IL1RAPL1: variants seen among roughly 807,000 people sequenced by gnomAD.
IL1RAPL1 encodes interleukin-1 receptor accessory protein-like 1.
Under a neutral mutation model 48.4 loss-of-function variants are expected in IL1RAPL1, and 3 were observed. The ratio of observed to expected loss-of-function variants is 0.06; its 90% CI spans 0.03 to 0.16. The LOEUF (loss-of-function observed/expected upper bound fraction) is 0.16. Ranked by LOEUF, IL1RAPL1 falls within the 10% of genes least tolerant of loss-of-function variation. The pLI, the probability that IL1RAPL1 is intolerant of heterozygous loss-of-function variation, is 1.00. For synonymous variants in IL1RAPL1, 185 were observed against 187.7 expected, an observed-to-expected ratio of 0.99 and a Z score of 0.12; for missense variants, 349 against 530.6, an observed-to-expected ratio of 0.66 and a Z score of 3.36.
chrX:28,629,846 AAG>A (rs760630943), intron 1 of IL1RAPL1, among the ~76,000 whole-genome samples: 1 of 112,131 alleles, frequency 8.9e-6, no homozygotes, highest in African/African-American at 3.2e-5. Flanking sequence ...AAGCACGGCA[AAG>A]AGAGGCTTAA....
intron 2 of IL1RAPL1, among the ~76,000 whole-genome samples, chrX:28,926,800 T>C (rs1242132014): frequency 9.0e-6 from 1 of 111,443 alleles, no homozygotes; most frequent in Non-Finnish European, 1.9e-5. Flanking sequence ...TTCTTTTTAC[T>C]TCATTGAGGA....
At chrX:29,826,983 A>G (rs73221607) in intron 6 of IL1RAPL1, among the ~76,000 whole-genome samples, 1 of 112,264 alleles carries the variant, frequency 8.9e-6, no homozygotes, top group Non-Finnish European at 1.9e-5. Flanking sequence ...TCAACACTGT[A>G]TGAGTTCCAA....
rs778935772 is a variant in IL1RAPL1, at chrX:29,289,687, G to A, written c.362+6470G>A. On this transcript the variant is annotated intron_variant, in intron 3 of 10. Coordinates refer to ENST00000378993, the MANE Select transcript of IL1RAPL1 (RefSeq NM_014271.4). ...AGAATTGATATCTTTACCATATTGA[G>A]TCTCACTATCTGTGAGTACAGTATG... 5.4e-5 allele frequency among the ~76,000 whole-genome samples: 6 copies of A among 112,048 alleles called. No homozygotes were observed. The South Asian group carries it at 2.2e-3, about 41-fold the overall frequency.
At chrX:29,109,242 G>T (rs1425920252) in intron 2 of IL1RAPL1, among the ~76,000 whole-genome samples, 3 of 107,901 alleles carry the variant, frequency 2.8e-5, no homozygotes, top group African/African-American at 1.0e-4. Context: ...CCCTTTTAAA[G>T]AAGATAGGTT....
intron 5 of IL1RAPL1, among the ~76,000 whole-genome samples, chrX:29,578,267 TC>T (rs1922841775): frequency 8.9e-6 from 1 of 111,833 alleles, no homozygotes; most frequent in Admixed American, 9.5e-5. Flanking sequence ...TAGTGGCAGA[TC>T]CCCTGAGGTT....
intron 2 of IL1RAPL1, among the ~76,000 whole-genome samples, chrX:29,015,680 A>G (rs1157182351): frequency 1.8e-5 from 2 of 111,075 alleles, no homozygotes; most frequent in Non-Finnish European, 3.8e-5. Flanking sequence ...GACAAGAAAT[A>G]TTTTATTCAG....
chrX:29,325,391 G>A (rs763605233), intron 3 of IL1RAPL1, among the ~76,000 whole-genome samples: 1 of 112,228 alleles, frequency 8.9e-6, no homozygotes, highest in African/African-American at 3.2e-5. Context: ...TCCTTATGCA[G>A]CTATTTAAAA....
chrX:28,650,208 T>A (rs1934667561), intron 1 of IL1RAPL1, among the ~76,000 whole-genome samples: 1 of 111,743 alleles, frequency 8.9e-6, no homozygotes, highest in South Asian at 3.8e-4. Flanking sequence ...ATGATAGTCA[T>A]GGGTTCTGAA....
chrX:29,230,504 C>CAAAAAAAAAACAAAAA lies in IL1RAPL1; in HGVS notation c.83-52424_83-52423insCAAAAAAAAAAAAAAA, dbSNP rs1931170651. ...TGCTCTATCATTATGGTCCCTTTAC[C>CAAAAAAAAAACAAAAA]AAAAAAAAAAAAAAAAAAAAAAAAA... On this transcript the variant is annotated intron_variant, in intron 2 of 10. Transcript: ENST00000378993. Among the ~76,000 whole-genome samples the CAAAAAAAAAACAAAAA allele has an allele frequency of 1.2e-4, 2 of 16,589 alleles. 1 individual carries two copies. Among genetic ancestry groups the CAAAAAAAAAACAAAAA allele is most frequent in the African/African-American group, 5.7e-4 (2 of 3,488 alleles). The allele number at this position is 16,589 out of a possible 115,157, so 14.4% of individuals were successfully genotyped here.
In IL1RAPL1 at chrX:28,790,790, A is replaced by G. The variant is rs186461226; in HGVS notation, c.82+1365A>G. ...TTCAAATGGGTTAATGGGAAATAAC[A>G]TATATCTTGATTTCTTTAATTGTAC... On this transcript the variant is annotated intron_variant, in intron 2 of 10. Coordinates refer to ENST00000378993, the MANE Select transcript of IL1RAPL1 (RefSeq NM_014271.4). Among the ~76,000 whole-genome samples, 9 of 112,314 alleles carry G rather than the reference A, an allele frequency of 8.0e-5. No individual in the cohort carries two copies. The East Asian group carries it at 2.5e-3, about 31-fold the overall frequency.
intron 3 of IL1RAPL1, among the ~76,000 whole-genome samples, chrX:29,296,047 G>T (rs769897163): frequency 8.9e-5 from 10 of 111,964 alleles, no homozygotes; most frequent in Non-Finnish European, 1.9e-4. Flanking sequence ...GAGCTATGAA[G>T]AGAGTGCTCT....
intron 2 of IL1RAPL1, among the ~76,000 whole-genome samples, chrX:29,095,274 T>C (rs1928189908): frequency 9.0e-6 from 1 of 111,377 alleles, no homozygotes; most frequent in African/African-American, 3.3e-5. Flanking sequence ...TGAACAGTTA[T>C]AGTGATGGTG....
intron 6 of IL1RAPL1, among the ~76,000 whole-genome samples, chrX:29,673,999 C>T (rs748442053): frequency 8.9e-6 from 1 of 112,564 alleles, no homozygotes; most frequent in African/African-American, 3.2e-5. Context: ...ACCTAACTTA[C>T]ATGATTCTCT....
chrX:29,786,416 G>T (rs1929501018), intron 6 of IL1RAPL1, among the ~76,000 whole-genome samples: 1 of 111,514 alleles, frequency 9.0e-6, no homozygotes. Context: ...GACAGAGGGT[G>T]ACAGAGAGCT....
At chrX:28,914,707 CA>C (rs1252530865) in intron 2 of IL1RAPL1, among the ~76,000 whole-genome samples, 3 of 112,131 alleles carry the variant, frequency 2.7e-5, no homozygotes, top group Non-Finnish European at 5.6e-5. Context: ...TATTTAACTC[CA>C]GCTAAACAAA....
intron 2 of IL1RAPL1, among the ~76,000 whole-genome samples, chrX:29,132,596 C>T (rs769884615): frequency 7.2e-5 from 8 of 111,509 alleles, no homozygotes; most frequent in East Asian, 2.8e-4. Context: ...TGCCTAAGGA[C>T]GCATTTCTCA....
chrX:28,939,171 T>G (rs1392016163), intron 2 of IL1RAPL1, among the ~76,000 whole-genome samples: 3 of 110,865 alleles, frequency 2.7e-5, no homozygotes, highest in African/African-American at 9.8e-5. Flanking sequence ...ACTCAGCAAT[T>G]CCATTACTGG....
chrX:28,850,066 A>G (rs7064303), intron 2 of IL1RAPL1, among the ~76,000 whole-genome samples: 17,296 of 111,582 alleles, frequency 0.16, 2,504 homozygotes, highest in African/African-American at 0.45. Context: ...TCTTTTGTTA[A>G]TTTTAGCTTT....
intron 1 of IL1RAPL1, among the ~76,000 whole-genome samples, chrX:28,762,786 GCACACACACACACACACACA>G (rs759005946): frequency 3.2e-5 from 2 of 63,001 alleles, no homozygotes; most frequent in African/African-American, 1.3e-4. Context: ...GCACGCGCGC[GCACACACACACACACACACA>G]CACACACACA....
Sources: gnomAD v4.1 joint callset for allele counts (sites outside exome capture counted in the v4.1 genomes callset) on GRCh38, gnomAD v4.1.1 for gene constraint, MANE v1.5 for transcripts, NCBI Gene and HGNC (gene_info 2026-07-23, HGNC 2026-07-21) for gene names.